Variants in DDX60 observed in about 807,000 individuals in gnomAD.
The protein encoded by DDX60 is probable ATP-dependent RNA helicase DDX60.
A neutral mutation model predicts 212.8 loss-of-function variants in DDX60; 165 were observed. The observed-to-expected ratio is 0.78, with a 90% CI of 0.68 to 0.88. The LOEUF (loss-of-function observed/expected upper bound fraction) is 0.88. Among genes scored for constraint, DDX60 ranks in the 40% least tolerant of loss-of-function variants. The probability of loss-of-function intolerance (pLI) is 0.00; values close to 1 mark genes in which losing one functional copy is unlikely to be tolerated. For missense variants in DDX60, 1,905 were observed against 2,003.9 expected (o/e 0.95, Z 0.94); for synonymous variants, 703 against 685.3 (o/e 1.03, Z -0.40).
At chr4:168,252,248 G>C (rs762956626) in intron 27 of DDX60, among the ~76,000 whole-genome samples, 1 of 152,140 alleles carries the variant, frequency 6.6e-6, no homozygotes, top group Non-Finnish European at 1.5e-5. Flanking sequence ...CTGTTGCACA[G>C]GTATCTCAGT....
intron 18 of DDX60, among the ~76,000 whole-genome samples, chr4:168,272,457 T>G (rs1264653003): frequency 6.6e-6 from 1 of 152,192 alleles, no homozygotes; most frequent in East Asian, 1.9e-4. Context: ...GACACTGACA[T>G]AGAGTTTAGA....
intron 9 of DDX60, among the ~76,000 whole-genome samples, chr4:168,287,518 C>A (rs929985417): frequency 2.0e-5 from 3 of 152,100 alleles, no homozygotes. Context: ...AACTTTACAA[C>A]AAACAAAACA....
chr4:168,303,116 C>G (rs1236149855), intron 5 of DDX60, among the ~76,000 whole-genome samples: 2 of 151,846 alleles, frequency 1.3e-5, no homozygotes, highest in African/African-American at 4.8e-5. Context: ...TCCTGGCTAA[C>G]ACGGTGAAAC....
chr4:168,310,340 T>C (rs936268438), intron 3 of DDX60, among the ~76,000 whole-genome samples: 6 of 152,156 alleles, frequency 3.9e-5, no homozygotes, highest in Non-Finnish European at 7.4e-5. Flanking sequence ...CAGAACATCA[T>C]GGAAGTCTGG....
chr4:168,255,974 T>C (rs997866217), intron 25 of DDX60, 105 bp from the exon 26 acceptor site: 1 of 1,164,226 alleles, frequency 8.6e-7, no homozygotes, highest in Non-Finnish European at 1.2e-6. Context: ...GTTGGGTTTT[T>C]AATACCCACC....
upstream of DDX60, among the ~76,000 whole-genome samples, chr4:168,320,732 T>C (rs1036655373): frequency 6.6e-6 from 1 of 152,238 alleles, no homozygotes; most frequent in African/African-American, 2.4e-5. Context: ...AGACAGCTAC[T>C]ATGTGCTAAG....
At chr4:168,220,411 G>T in intron 37 of DDX60, 1 of 313,846 alleles carries the variant, frequency 3.2e-6, no homozygotes, top group South Asian at 4.1e-5. Context: ...TGATGCCTGG[G>T]GCTGAGACTC....
At chr4:168,236,413 T>C in intron 32 of DDX60, 40 bp from the exon 33 acceptor site, 1 of 1,501,924 alleles carries the variant, frequency 6.7e-7, no homozygotes, top group Non-Finnish European at 9.0e-7. Context: ...TATGAAAGGG[T>C]ATAATTCTAT....
chr4:168,309,921 G>GAAC (rs1263485910), intron 3 of DDX60, among the ~76,000 whole-genome samples: 4 of 152,174 alleles, frequency 2.6e-5, no homozygotes, highest in Non-Finnish European at 5.9e-5. Context: ...TGTAAAGGCT[G>GAAC]TTGGTTTTAT....
chr4:168,286,103 G>C (rs1208865869), intron 10 of DDX60, among the ~76,000 whole-genome samples: 1 of 147,932 alleles, frequency 6.8e-6, no homozygotes, highest in Non-Finnish European at 1.5e-5. Flanking sequence ...GAGGGAGGGA[G>C]GGAGGAAGGA....
intron 6 of DDX60, among the ~76,000 whole-genome samples, chr4:168,295,213 A>G (rs1736288504): frequency 6.6e-6 from 1 of 152,244 alleles, no homozygotes; most frequent in Non-Finnish European, 1.5e-5. Flanking sequence ...CATAGGACCC[A>G]GTAATCCCAT....
intron 5 of DDX60, among the ~76,000 whole-genome samples, chr4:168,304,530 G>A (rs1425313509): frequency 1.3e-5 from 2 of 151,920 alleles, no homozygotes; most frequent in Admixed American, 1.3e-4. Flanking sequence ...GCAAAACCTT[G>A]TCTCTACAAA....
At chr4:168,221,636 T>C (rs1733053378) in intron 36 of DDX60, 94 bp downstream of exon 36, 24 of 1,353,408 alleles carry the variant, frequency 1.8e-5, no homozygotes, top group Non-Finnish European at 2.4e-5. Context: ...CACTTGAAAC[T>C]GTAATGAGGT....
rs1300977903 is a variant in DDX60 at position 168,224,288 on chromosome 4, A to C, written c.4779T>G (p.Ser1593=). The C allele has an allele frequency of 4.3e-6, 7 of 1,612,584 alleles. No individual in the cohort carries two copies. In the East Asian group the frequency reaches 1.6e-4, roughly 36 times the overall value. Residue 1593 remains serine, a synonymous_variant, in exon 35 of 38, where the codon TCT becomes TCG. Coordinates refer to ENST00000393743, the MANE Select transcript of DDX60 (RefSeq NM_017631.6). ...RVAISPFVCL[S]GNFDDDLLRL... ...GAAGCAAATCATCATCAAAGTTCCC[A>C]GACAGACAAACAAATGGTGAAATTG...
At chr4:168,293,510 C>A (rs1349898229) in intron 7 of DDX60, among the ~76,000 whole-genome samples, 3 of 152,102 alleles carry the variant, frequency 2.0e-5, no homozygotes, top group African/African-American at 7.2e-5. Flanking sequence ...CATATTAGGC[C>A]TCCACCAAGT....
At chr4:168,319,900 G>C (rs1405336054), upstream of DDX60, among the ~76,000 whole-genome samples, 1 of 152,144 alleles carries the variant, frequency 6.6e-6, no homozygotes, top group Non-Finnish European at 1.5e-5. Flanking sequence ...AAAAATTAGA[G>C]AGTCAAGTTG....
Position 168,221,761 on chromosome 4 carries a change from C to A in DDX60, c.4945G>T (p.Gly1649Cys). 1 of 1,612,512 alleles carries A rather than the reference C, an allele frequency of 6.2e-7. No homozygotes were observed. The highest frequency in any genetic ancestry group is 8.5e-7 in the Non-Finnish European group (1 of 1,179,048). ...TCCTGGACTAATCCTATCAAGGAAC[C>A]ATGTTTGTAGAAATCCAGTGCATAG... ...NAYALDFYKHGSLIGLVQDNR... is the reference protein window; with the variant it reads ...NAYALDFYKHCSLIGLVQDNR... Residue 1649 changes from glycine to cysteine, a missense_variant, in exon 36 of 38, where the codon GGT becomes TGT. Transcript: ENST00000393743.
intron 6 of DDX60, among the ~76,000 whole-genome samples, chr4:168,295,315 C>G (rs1284204246): frequency 2.0e-5 from 3 of 152,158 alleles, no homozygotes; most frequent in Non-Finnish European, 1.5e-5. Context: ...ATATTTGAAT[C>G]CTTCTGGATG....
At chr4:168,272,206 A>G in intron 18 of DDX60, 68 bp from the exon 19 acceptor site, 1 of 1,257,414 alleles carries the variant, frequency 8.0e-7, no homozygotes, top group East Asian at 2.5e-5. Context: ...ATTTACAGGA[A>G]TATGTAAGAT....
Sources: gnomAD v4.1 joint callset for allele counts (sites outside exome capture counted in the v4.1 genomes callset) on GRCh38, gnomAD v4.1.1 for gene constraint, MANE v1.5 for transcripts, NCBI Gene and HGNC (gene_info 2026-07-23, HGNC 2026-07-21) for gene names.